Variants in CDK5RAP1 observed in about 807,000 individuals in gnomAD.
CDK5RAP1 encodes the protein CDK5RAP1 mitochondrial tRNA methylthiotransferase, also known as mitochondrial tRNA methylthiotransferase CDK5RAP1.
A neutral mutation model predicts 64.5 loss-of-function variants in CDK5RAP1; 62 were observed. The ratio of observed to expected loss-of-function variants is 0.96; its 90% CI spans 0.78 to 1.19. The LOEUF is 1.19. Among genes scored for constraint, CDK5RAP1 ranks in the 50% most tolerant of loss-of-function variants. The pLI is 0.00. For synonymous variants in CDK5RAP1, 250 were observed against 261.9 expected, an observed-to-expected ratio of 0.95 and a Z score of 0.44; for missense variants, 657 against 735.0, an observed-to-expected ratio of 0.89 and a Z score of 1.23.
At chr20:33,388,529 T>TCCCCCTCTCCCC (rs1987763346) in intron 5 of CDK5RAP1, among the ~76,000 whole-genome samples, 1 of 78,552 alleles carries the variant, frequency 1.3e-5, no homozygotes, top group African/African-American at 6.5e-5. Context: ...TCCCTCTCCC[T>TCCCCCTCTCCCC]CTCCCCCTCT....
intron 5 of CDK5RAP1, among the ~76,000 whole-genome samples, chr20:33,391,129 C>A (rs1988257802): frequency 6.6e-6 from 1 of 151,858 alleles, no homozygotes; most frequent in South Asian, 2.1e-4. Context: ...TGGTACACAC[C>A]TGTAGACCTA....
At chr20:33,389,312 C>T (rs1358362024) in intron 5 of CDK5RAP1, among the ~76,000 whole-genome samples, 4 of 151,238 alleles carry the variant, frequency 2.6e-5, no homozygotes, top group Non-Finnish European at 4.4e-5. Context: ...TCTGCCCGGC[C>T]GCCCCGTCTG....
intron 8 of CDK5RAP1, among the ~76,000 whole-genome samples, chr20:33,376,795 C>T (rs993567736): frequency 4.6e-5 from 7 of 151,954 alleles, no homozygotes; most frequent in South Asian, 2.1e-4. Context: ...GAAAACATTC[C>T]GGAAAGAATT....
intron 1 of CDK5RAP1, among the ~76,000 whole-genome samples, chr20:33,399,498 C>A (rs1479879196): frequency 1.3e-5 from 2 of 152,232 alleles, no homozygotes. Context: ...ACTGACACTT[C>A]TGCCAGCCCT....
intron 8 of CDK5RAP1, among the ~76,000 whole-genome samples, chr20:33,378,376 G>A (rs769624025): frequency 1.3e-5 from 2 of 152,098 alleles, no homozygotes; most frequent in South Asian, 2.1e-4. Flanking sequence ...ATGGTGTTCC[G>A]AAACAATTTT....
chr20:33,393,533 T>C (rs532536857), intron 4 of CDK5RAP1, among the ~76,000 whole-genome samples: 48 of 152,062 alleles, frequency 3.2e-4, no homozygotes, highest in African/African-American at 1.1e-3. Context: ...GTCAGATGAA[T>C]TAATTGACAG....
At chr20:33,389,482 G>A (rs546548481) in intron 5 of CDK5RAP1, among the ~76,000 whole-genome samples, 181 of 151,932 alleles carry the variant, frequency 1.2e-3, no homozygotes, top group African/African-American at 3.8e-3. Flanking sequence ...CGCCCCGTCC[G>A]GGAGGGAGGT....
At chr20:33,384,543 G>C (rs1176041523) in intron 7 of CDK5RAP1, among the ~76,000 whole-genome samples, 1 of 152,106 alleles carries the variant, frequency 6.6e-6, no homozygotes, top group Non-Finnish European at 1.5e-5. Flanking sequence ...TGATTATCTG[G>C]GGGTAGGGCA....
chr20:33,385,774 G>A lies in CDK5RAP1; in HGVS notation c.756-4C>T. Reference sequence around the variant, plus strand: ...GTCACAGCCTCGCATGATTGACCTGGAGAAGAAAGTACCAGAACTTAGTAA... The same window carrying A: ...GTCACAGCCTCGCATGATTGACCTGAAGAAGAAAGTACCAGAACTTAGTAA... On this transcript the variant is annotated splice_region_variant and splice_polypyrimidine_tract_variant and intron_variant, in intron 6 of 13. Transcript: ENST00000346416. 6.2e-7 allele frequency: 1 copy of A among 1,610,736 alleles called. No homozygotes were observed. Among genetic ancestry groups the A allele is most frequent in the Non-Finnish European group, 8.5e-7 (1 of 1,178,596 alleles).
At chr20:33,372,750 G>A in intron 9 of CDK5RAP1, 53 bp from the exon 10 acceptor site, 2 of 1,143,444 alleles carry the variant, frequency 1.7e-6, no homozygotes, top group South Asian at 1.3e-5. Flanking sequence ...CTTTTTAAAT[G>A]AATGCTATAA....
intron 9 of CDK5RAP1, 42 bp from the exon 10 acceptor site, chr20:33,372,739 C>T (rs1385432496): frequency 6.8e-6 from 9 of 1,317,664 alleles, no homozygotes; most frequent in Non-Finnish European, 9.8e-6. Context: ...ATAAATCCAA[C>T]CTTTTTAAAT....
At chr20:33,390,184 G>A (rs781561289) in intron 5 of CDK5RAP1, among the ~76,000 whole-genome samples, 1 of 151,886 alleles carries the variant, frequency 6.6e-6, no homozygotes, top group Non-Finnish European at 1.5e-5. Flanking sequence ...TGAGGCAGGA[G>A]GATTGCTTGA....
chr20:33,365,652 G>C (rs1983786380), intron 12 of CDK5RAP1, among the ~76,000 whole-genome samples: 1 of 148,260 alleles, frequency 6.7e-6, no homozygotes, highest in African/African-American at 2.5e-5. Flanking sequence ...ACTCTGGAGA[G>C]AGAGCTGTAT....
intron 1 of CDK5RAP1, among the ~76,000 whole-genome samples, chr20:33,398,757 C>T (rs996706110): frequency 6.6e-6 from 1 of 151,994 alleles, no homozygotes; most frequent in African/African-American, 2.4e-5. Flanking sequence ...GAGACCTCAT[C>T]TCTATAAAAA....
chr20:33,367,275 G>A (rs983840290), intron 11 of CDK5RAP1, among the ~76,000 whole-genome samples: 8 of 152,050 alleles, frequency 5.3e-5, no homozygotes, highest in Non-Finnish European at 2.9e-5. Context: ...TTATCCTAAC[G>A]TTACACTTGT....
intron 12 of CDK5RAP1, 107 bp from the exon 13 acceptor site, chr20:33,360,598 G>A: frequency 1.0e-6 from 1 of 1,002,296 alleles, no homozygotes. Flanking sequence ...CTGACCCACA[G>A]AGCATTCCTT....
Position 33,365,577 on chromosome 20 carries a change from G to A in CDK5RAP1, c.1542+1282C>T, listed in dbSNP as rs114423371. Among the ~76,000 whole-genome samples the A allele has an allele frequency of 7.9e-3, 872 of 109,790 alleles. 10 individuals are homozygous for A. The highest frequency in any genetic ancestry group is 0.029 in the African/African-American group (836 of 28,454). The allele number at this position is 109,790 out of a possible 152,430, so 72.0% of individuals were successfully genotyped here. On this transcript the variant is annotated intron_variant, in intron 12 of 13. Transcript: ENST00000346416. Reference sequence around the variant, plus strand: ...ACAAGCCACTGCGCCCAGCCTCTATGTTTAAAATTCTCTATAATGTAAAAA... The same window carrying A: ...ACAAGCCACTGCGCCCAGCCTCTATATTTAAAATTCTCTATAATGTAAAAA...
At chr20:33,368,516 C>T (rs2146602955) in intron 11 of CDK5RAP1, among the ~76,000 whole-genome samples, 1 of 139,744 alleles carries the variant, frequency 7.2e-6, no homozygotes, top group South Asian at 2.3e-4. Flanking sequence ...CTATGTTACC[C>T]AGGTTGGTCT....
intron 8 of CDK5RAP1, among the ~76,000 whole-genome samples, chr20:33,378,171 C>T (rs1328284025): frequency 1.3e-5 from 2 of 152,124 alleles, no homozygotes; most frequent in Non-Finnish European, 2.9e-5. Flanking sequence ...GAGAGCCCTG[C>T]GACCCTTCCC....
Sources: allele counts gnomAD v4.1 joint callset (sites outside exome capture counted in the v4.1 genomes callset), GRCh38; gene constraint gnomAD v4.1.1; transcripts MANE v1.5; gene names NCBI Gene and HGNC (gene_info 2026-07-23, HGNC 2026-07-21).